Variants in LHFPL6 observed in about 807,000 individuals in gnomAD.
LHFPL6 encodes the protein LHFPL tetraspan subfamily member 6 protein.
A neutral mutation model predicts 20.6 loss-of-function variants in LHFPL6; 9 were observed. The observed-to-expected ratio is 0.44, with a 90% confidence interval of 0.26 to 0.76. LHFPL6 has a LOEUF of 0.76. Among genes scored for constraint, LHFPL6 ranks in the 30% least tolerant of loss-of-function variants. The pLI, the probability that LHFPL6 is intolerant of heterozygous loss-of-function variation, is 0.20. For synonymous variants in LHFPL6, 105 were observed against 98.7 expected, an observed-to-expected ratio of 1.06 and a Z score of -0.38; for missense variants, 218 against 253.5, an observed-to-expected ratio of 0.86 and a Z score of 0.95.
intron 2 of LHFPL6, among the ~76,000 whole-genome samples, chr13:39,522,973 A>C (rs1870158962): frequency 6.6e-6 from 1 of 152,226 alleles, no homozygotes; most frequent in Non-Finnish European, 1.5e-5. Context: ...CCATATGAGT[A>C]GGTATCTGAA....
At chr13:39,592,692 T>C (rs1031013685) in intron 2 of LHFPL6, among the ~76,000 whole-genome samples, 2 of 152,214 alleles carry the variant, frequency 1.3e-5, no homozygotes, top group East Asian at 3.9e-4. Context: ...TAGACCAATA[T>C]CCCTGATGAA....
intron 2 of LHFPL6, among the ~76,000 whole-genome samples, chr13:39,423,127 C>A (rs982304112): frequency 1.3e-5 from 2 of 152,094 alleles, no homozygotes; most frequent in African/African-American, 4.8e-5. Flanking sequence ...GGGGACACAG[C>A]CAAACCACAT....
At chr13:39,481,700 T>A (rs1868532987) in intron 2 of LHFPL6, among the ~76,000 whole-genome samples, 2 of 152,164 alleles carry the variant, frequency 1.3e-5, no homozygotes, top group Non-Finnish European at 2.9e-5. Flanking sequence ...GGCGGGAGAC[T>A]GATTCAGGAG....
At chr13:39,364,310 C>T (rs1013570681) in intron 3 of LHFPL6, among the ~76,000 whole-genome samples, 1 of 152,118 alleles carries the variant, frequency 6.6e-6, no homozygotes, top group South Asian at 2.1e-4. Context: ...TATCTAGAGT[C>T]CTGTGGGGTT....
intron 2 of LHFPL6, among the ~76,000 whole-genome samples, chr13:39,543,533 G>C (rs1870876904): frequency 6.6e-6 from 1 of 152,136 alleles, no homozygotes; most frequent in East Asian, 1.9e-4. Context: ...TCTTTCTGAA[G>C]TTTCTTTTAC....
chr13:39,360,833 C>A (rs1340620142), intron 3 of LHFPL6, among the ~76,000 whole-genome samples: 1 of 96,304 alleles, frequency 1.0e-5, no homozygotes, highest in African/African-American at 3.0e-5. Context: ...TTCTGGATTC[C>A]CACAAAAATT....
chr13:39,387,310 A>T (rs1316879703), intron 2 of LHFPL6, among the ~76,000 whole-genome samples: 2 of 152,144 alleles, frequency 1.3e-5, no homozygotes, highest in African/African-American at 4.8e-5. Flanking sequence ...GCACTTTGGG[A>T]GGCTGAAGTG....
intron 2 of LHFPL6, among the ~76,000 whole-genome samples, chr13:39,554,276 A>T (rs1475261080): frequency 1.3e-5 from 2 of 152,188 alleles, no homozygotes; most frequent in African/African-American, 4.8e-5. Flanking sequence ...CCATACCACA[A>T]GTAAAAGTCT....
intron 2 of LHFPL6, among the ~76,000 whole-genome samples, chr13:39,578,665 C>T (rs1872189695): frequency 1.3e-5 from 2 of 152,176 alleles, no homozygotes; most frequent in South Asian, 4.1e-4. Flanking sequence ...TACGTTTCAA[C>T]AAGTCATCAT....
intron 2 of LHFPL6, among the ~76,000 whole-genome samples, chr13:39,428,428 T>G (rs1339044232): frequency 1.3e-5 from 2 of 152,200 alleles, no homozygotes; most frequent in Non-Finnish European, 2.9e-5. Context: ...TTCCTTTTGT[T>G]GTTTGTGTTT....
chr13:39,375,689 C>CAA lies in LHFPL6; in HGVS notation c.484+2737_484+2738dup, dbSNP rs59712573. On this transcript the variant is annotated intron_variant, in intron 3 of 3. Coordinates refer to ENST00000379589, the MANE Select transcript of LHFPL6 (RefSeq NM_005780.3). ...TAGGCGAGAGAGTGAGTCTTTGTCT[C>CAA]AAAAAAAAAAAAAGGAAAGTGAAGT... Among the ~76,000 whole-genome samples, 176 of 129,682 alleles carry CAA rather than the reference C, an allele frequency of 1.4e-3. 7 individuals are homozygous for CAA. The highest frequency in any genetic ancestry group is 2.7e-3 in the African/African-American group (89 of 33,574). 85.1% of individuals were successfully genotyped at this position (129,682 alleles called of 152,430 possible). A position where few individuals can be genotyped will look rare whatever the true frequency, so the allele number is the denominator to read the frequency against.
At chr13:39,548,387 C>A (rs1174277414) in intron 2 of LHFPL6, among the ~76,000 whole-genome samples, 1 of 152,010 alleles carries the variant, frequency 6.6e-6, no homozygotes, top group Non-Finnish European at 1.5e-5. Context: ...ACCTGGATGT[C>A]TGTAAAATGT....
intron 2 of LHFPL6, among the ~76,000 whole-genome samples, chr13:39,523,419 A>G (rs1255348576): frequency 6.6e-6 from 1 of 152,156 alleles, no homozygotes; most frequent in South Asian, 2.1e-4. Flanking sequence ...AATACAAAAA[A>G]TTAACCGGGC....
intron 2 of LHFPL6, among the ~76,000 whole-genome samples, chr13:39,452,046 C>T (rs562105731): frequency 9.2e-5 from 14 of 151,814 alleles, no homozygotes; most frequent in African/African-American, 3.4e-4. Context: ...AGGAACCTTA[C>T]ACTTTAAAGG....
intron 2 of LHFPL6, among the ~76,000 whole-genome samples, chr13:39,504,431 A>C (rs1327838373): frequency 6.6e-6 from 1 of 152,238 alleles, no homozygotes. Context: ...TAGAGCTCAC[A>C]TATGAAGTAT....
chr13:39,531,537 G>T (rs6563721), intron 2 of LHFPL6, among the ~76,000 whole-genome samples: 6 of 152,028 alleles, frequency 3.9e-5, no homozygotes, highest in Non-Finnish European at 8.8e-5. Context: ...AAGCCTATAC[G>T]CTTGGAAATA....
At chr13:39,468,213 T>C (rs891471212) in intron 2 of LHFPL6, among the ~76,000 whole-genome samples, 1 of 152,212 alleles carries the variant, frequency 6.6e-6, no homozygotes, top group Non-Finnish European at 1.5e-5. Flanking sequence ...CAAGCCTATG[T>C]ATTTGATATT....
chr13:39,569,156 C>CGGACGGACGGATGGAT (rs754156552), intron 2 of LHFPL6, among the ~76,000 whole-genome samples: 59 of 97,354 alleles, frequency 6.1e-4, no homozygotes, highest in African/African-American at 2.2e-3. Context: ...GATGGACGGA[C>CGGACGGACGGATGGAT]GGATGGATGG....
chr13:39,535,892 C>T (rs1239424210), intron 2 of LHFPL6, among the ~76,000 whole-genome samples: 1 of 152,094 alleles, frequency 6.6e-6, no homozygotes, highest in East Asian at 1.9e-4. Flanking sequence ...TGGCAGAGAC[C>T]ATTAGCATTC....
Sources: allele counts gnomAD v4.1 joint callset (sites outside exome capture counted in the v4.1 genomes callset), GRCh38; gene constraint gnomAD v4.1.1; transcripts MANE v1.5; gene names NCBI Gene and HGNC (gene_info 2026-07-23, HGNC 2026-07-21).